The following ADK variants were observed in gnomAD, a reference collection of about 807,000 sequenced individuals.
The protein encoded by ADK is N6,N6-dimethyladenosine kinase.
Under a neutral mutation model 44.7 loss-of-function variants are expected in ADK, and 24 were observed. The ratio of observed to expected loss-of-function variants is 0.54; its 90% CI spans 0.39 to 0.76. The LOEUF (loss-of-function observed/expected upper bound fraction) is 0.76, where lower values mean the gene tolerates loss of function less well. ADK is among the 30% of genes least tolerant of loss of function. The probability of loss-of-function intolerance (pLI) is 0.00; values close to 1 mark genes in which losing one functional copy is unlikely to be tolerated. For synonymous variants in ADK, 128 were observed against 142.6 expected (o/e 0.90, Z 0.73); for missense variants, 321 against 425.1 (o/e 0.76, Z 2.15).
intron 9 of ADK, among the ~76,000 whole-genome samples, chr10:74,656,944 C>G (rs1307240125): frequency 2.0e-5 from 3 of 151,942 alleles, no homozygotes; most frequent in East Asian, 1.9e-4. Flanking sequence ...ACTGCATCCT[C>G]GAATTCCTGG....
chr10:74,498,896 T>C lies in ADK; in HGVS notation c.556-26360T>C, dbSNP rs372357036. 9.8e-5 allele frequency among the ~76,000 whole-genome samples: 15 copies of C among 152,374 alleles called. 1 individual carries two copies. The East Asian group carries it at 2.1e-3, about 22-fold the overall frequency. On this transcript the variant is annotated intron_variant, in intron 6 of 10. Coordinates refer to ENST00000539909, the MANE Select transcript of ADK (RefSeq NM_006721.4). Reference sequence around the variant, plus strand: ...GCAGCCATAAAAAATGATGTGTTCATGTCCTTTGTAGGGACATGGATGAAG... The same window carrying C: ...GCAGCCATAAAAAATGATGTGTTCACGTCCTTTGTAGGGACATGGATGAAG...
intron 9 of ADK, among the ~76,000 whole-genome samples, chr10:74,624,911 T>C (rs977386701): frequency 6.6e-6 from 1 of 152,080 alleles, no homozygotes; most frequent in Admixed American, 6.6e-5. Context: ...GATCATGTGC[T>C]AAGTATATGC....
intron 1 of ADK, among the ~76,000 whole-genome samples, chr10:74,173,694 G>A (rs921306448): frequency 6.6e-6 from 1 of 152,128 alleles, no homozygotes; most frequent in African/African-American, 2.4e-5. Context: ...CTCCCAAAGT[G>A]CTGGGATTAC....
intron 10 of ADK, among the ~76,000 whole-genome samples, chr10:74,676,778 A>G (rs1456956777): frequency 6.6e-6 from 1 of 152,174 alleles, no homozygotes; most frequent in Non-Finnish European, 1.5e-5. Flanking sequence ...GACATGAGCC[A>G]CCACCCCCAG....
chr10:74,454,186 GT>G (rs1845864542), intron 6 of ADK, among the ~76,000 whole-genome samples: 1 of 151,972 alleles, frequency 6.6e-6, no homozygotes, highest in African/African-American at 2.4e-5. Flanking sequence ...TTAAAAAATT[GT>G]TTCAGTTGTT....
intron 4 of ADK, among the ~76,000 whole-genome samples, chr10:74,328,597 C>T (rs962955289): frequency 6.6e-6 from 1 of 152,132 alleles, no homozygotes; most frequent in African/African-American, 2.4e-5. Flanking sequence ...TGGTTTCCCC[C>T]ATGCTGTTCT....
intron 7 of ADK, among the ~76,000 whole-genome samples, chr10:74,571,884 A>T (rs1210636544): frequency 6.6e-6 from 1 of 151,896 alleles, no homozygotes; most frequent in African/African-American, 2.4e-5. Flanking sequence ...GTTAGTTTTG[A>T]GCCTATGTGT....
chr10:74,306,080 A>G (rs1389643018), intron 3 of ADK, among the ~76,000 whole-genome samples: 4 of 151,030 alleles, frequency 2.6e-5, no homozygotes. Context: ...TTCTTCTGTT[A>G]CTCATGCACA....
intron 6 of ADK, among the ~76,000 whole-genome samples, chr10:74,414,210 TA>T (rs989896023): frequency 1.3e-5 from 2 of 151,306 alleles, no homozygotes; most frequent in South Asian, 4.2e-4. Context: ...CTTCGATTTG[TA>T]AAAAAAAATA....
intron 2 of ADK, among the ~76,000 whole-genome samples, chr10:74,215,497 G>C (rs1843977979): frequency 6.6e-6 from 1 of 151,688 alleles, no homozygotes; most frequent in Non-Finnish European, 1.5e-5. Flanking sequence ...TTTTAGTAGA[G>C]ATGGGGTTTT....
intron 10 of ADK, among the ~76,000 whole-genome samples, chr10:74,672,330 T>C (rs968063917): frequency 6.6e-6 from 1 of 152,204 alleles, no homozygotes; most frequent in Admixed American, 6.5e-5. Context: ...GTAAAAACCT[T>C]TCCTAGCTCT....
At chr10:74,558,666 C>T (rs545093370) in intron 7 of ADK, among the ~76,000 whole-genome samples, 4 of 152,208 alleles carry the variant, frequency 2.6e-5, no homozygotes, top group East Asian at 1.9e-4. Flanking sequence ...ACCCAGTCTC[C>T]GGTAGTTATT....
At chr10:74,466,502 A>C (rs1471756622) in intron 6 of ADK, among the ~76,000 whole-genome samples, 2 of 152,304 alleles carry the variant, frequency 1.3e-5, no homozygotes, top group East Asian at 3.8e-4. Context: ...AAGAGTTGGG[A>C]AAAAGTTATC....
intron 9 of ADK, among the ~76,000 whole-genome samples, chr10:74,600,898 A>AT (rs1418947537): frequency 1.3e-5 from 2 of 151,930 alleles, no homozygotes; most frequent in Admixed American, 6.6e-5. Flanking sequence ...AGAAAATCTC[A>AT]TTTTTTGTTT....
At chr10:74,411,225 A>G (rs1344762332) in intron 6 of ADK, among the ~76,000 whole-genome samples, 1 of 152,160 alleles carries the variant, frequency 6.6e-6, no homozygotes, top group Non-Finnish European at 1.5e-5. Flanking sequence ...AATAAAATGA[A>G]AAAAAAATCT....
chr10:74,359,257 C>T lies in ADK; in HGVS notation c.274-34884C>T, dbSNP rs1051688659. Reference sequence around the variant, plus strand: ...AATTTGAATTTGTGTAGTGTGATGCCGCAGCTTTCTCTTTTTGCTCAGGAT... The same window carrying T: ...AATTTGAATTTGTGTAGTGTGATGCTGCAGCTTTCTCTTTTTGCTCAGGAT... On this transcript the variant is annotated intron_variant, in intron 4 of 10. Transcript: ENST00000539909. Among the ~76,000 whole-genome samples, 20 of 151,914 alleles carry T rather than the reference C, an allele frequency of 1.3e-4. 1 individual carries two copies. The highest frequency in any genetic ancestry group is 5.8e-4 in the East Asian group (3 of 5,182).
chr10:74,365,374 C>T (rs1842465709), intron 4 of ADK, among the ~76,000 whole-genome samples: 1 of 152,180 alleles, frequency 6.6e-6, no homozygotes, highest in Non-Finnish European at 1.5e-5. Context: ...GAAATCATCA[C>T]TATATGTGAC....
At chr10:74,274,732 G>GTATATATATATACATATA (rs1846594972) in intron 3 of ADK, among the ~76,000 whole-genome samples, 1 of 84,202 alleles carries the variant, frequency 1.2e-5, no homozygotes, top group South Asian at 3.3e-4. Flanking sequence ...TTTAATGTGT[G>GTATATATATATACATATA]TATATATATA....
At chr10:74,553,453 C>T (rs10824202) in intron 7 of ADK, among the ~76,000 whole-genome samples, 34,506 of 151,666 alleles carry the variant, frequency 0.23, 4,867 homozygotes, top group East Asian at 0.63. Context: ...CCCTCCTCGG[C>T]CTCCCAAAGT....
Sources: gnomAD v4.1 joint callset for allele counts (sites outside exome capture counted in the v4.1 genomes callset) on GRCh38, gnomAD v4.1.1 for gene constraint, MANE v1.5 for transcripts, NCBI Gene and HGNC (gene_info 2026-07-23, HGNC 2026-07-21) for gene names.